The following IP6K1 variants were observed in gnomAD, a reference collection of about 807,000 sequenced individuals.
The protein encoded by IP6K1 is ATP:1D-myo-inositol-hexakisphosphate phosphotransferase.
A neutral mutation model predicts 38.3 loss-of-function variants in IP6K1; 13 were observed. That is an observed-to-expected ratio of 0.34 (90% confidence interval 0.22 to 0.54). IP6K1 has a LOEUF of 0.54. Ranked by LOEUF, IP6K1 falls within the 20% of genes least tolerant of loss-of-function variation. IP6K1 has a pLI of 0.92. For missense variants in IP6K1, 397 were observed against 599.8 expected (o/e 0.66, Z 3.53); for synonymous variants, 212 against 229.9 (o/e 0.92, Z 0.70).
chr3:49,784,192 T>C (rs13063621), intron 1 of IP6K1, among the ~76,000 whole-genome samples: 70,764 of 151,500 alleles, frequency 0.47, 17,328 homozygotes, highest in African/African-American at 0.56. Flanking sequence ...CATGGGATTT[T>C]GCCATTTTGG....
At chr3:49,772,255 G>C (rs1018597596) in intron 1 of IP6K1, among the ~76,000 whole-genome samples, 2 of 145,872 alleles carry the variant, frequency 1.4e-5, no homozygotes, top group Non-Finnish European at 3.0e-5. Flanking sequence ...GTGTGTGTGT[G>C]TAACACATAT....
At chr3:49,742,685 G>A (rs2080680670) in intron 2 of IP6K1, among the ~76,000 whole-genome samples, 3 of 152,092 alleles carry the variant, frequency 2.0e-5, no homozygotes, top group Admixed American at 2.0e-4. Flanking sequence ...GATCACTTAA[G>A]CTTAGAAGTT....
chr3:49,744,000 T>C (rs2080698269), intron 2 of IP6K1, among the ~76,000 whole-genome samples: 1 of 152,128 alleles, frequency 6.6e-6, no homozygotes, highest in Non-Finnish European at 1.5e-5. Flanking sequence ...TTGTAATGTC[T>C]AATGGTGTGT....
At chr3:49,747,750 GAA>G in intron 2 of IP6K1, 66 bp downstream of exon 2, 1 of 1,592,782 alleles carries the variant, frequency 6.3e-7, no homozygotes, top group Non-Finnish European at 8.6e-7. Context: ...AACAAACCAA[GAA>G]AAAACTGTGG....
At position 49,727,040 on chromosome 3, in the gene IP6K1, CTG is replaced by C; in HGVS notation, c.*80_*81del. On this transcript the variant is annotated 3_prime_UTR_variant, in exon 6 of 6. Coordinates refer to ENST00000321599, the MANE Select transcript of IP6K1 (RefSeq NM_153273.4). This position sits in a 1 kb window ranked among gnomAD's most constrained non-coding sequence, Gnocchi z 5.9. ...GAAATATAACCCTTTAAAAGCAAGTCTGTGTGTCCTCACGGCAAGTTCAGAAC... is the reference window on the plus strand; with the variant it reads ...GAAATATAACCCTTTAAAAGCAAGTCTGTGTCCTCACGGCAAGTTCAGAAC... 7.4e-7 allele frequency: 1 copy of C among 1,343,234 alleles called. No homozygotes were observed. The highest frequency in any genetic ancestry group is 1.5e-5 in the African/African-American group (1 of 68,310). The allele number at this position is 1,343,234 out of a possible 1,614,324, so 83.2% of individuals were successfully genotyped here. A position where few individuals can be genotyped will look rare whatever the true frequency, so the allele number is the denominator to read the frequency against.
chr3:49,765,816 G>A (rs192852375), intron 1 of IP6K1, among the ~76,000 whole-genome samples: 1 of 151,984 alleles, frequency 6.6e-6, no homozygotes, highest in East Asian at 1.9e-4. Flanking sequence ...GCTAGGGCAG[G>A]TGGGTCACTT....
intron 1 of IP6K1, chr3:49,758,452 A>G (rs1408559933): frequency 5.3e-5 from 8 of 152,154 alleles, no homozygotes; most frequent in Admixed American, 5.2e-4. Context: ...TGAGGCTGAC[A>G]TACCTATCAA....
At chr3:49,762,462 A>T (rs2080875579) in intron 1 of IP6K1, among the ~76,000 whole-genome samples, 1 of 152,172 alleles carries the variant, frequency 6.6e-6, no homozygotes. Context: ...AGGCAGAAGA[A>T]TCACTTGAAC....
chr3:49,780,242 T>C (rs1412902781), intron 1 of IP6K1, among the ~76,000 whole-genome samples: 1 of 150,628 alleles, frequency 6.6e-6, no homozygotes, highest in Non-Finnish European at 1.5e-5. Context: ...AAAGCTCATT[T>C]GTTACATCTT....
chr3:49,736,958 G>T (rs1037517153), intron 3 of IP6K1, among the ~76,000 whole-genome samples: 2 of 151,598 alleles, frequency 1.3e-5, no homozygotes, highest in African/African-American at 4.8e-5. Context: ...ATTTTTAGTA[G>T]AGACAGGGTT....
rs967940584 is a variant in IP6K1, at chr3:49,749,367, T to A, written c.-128-1199A>T. Among the ~76,000 whole-genome samples the A allele has an allele frequency of 5.3e-5, 8 of 152,220 alleles. No individual in the cohort carries two copies. The South Asian group carries it at 8.3e-4, about 16-fold the overall frequency. ...AAGCTCCTTGTACTCAAACTCCCTCTTTATAATGTCAATTTTCTCTCAAAA... is the reference window on the plus strand; with the variant it reads ...AAGCTCCTTGTACTCAAACTCCCTCATTATAATGTCAATTTTCTCTCAAAA... On this transcript the variant is annotated intron_variant, in intron 1 of 5. Transcript: ENST00000321599.
At chr3:49,740,793 G>A (rs922051527) in intron 2 of IP6K1, among the ~76,000 whole-genome samples, 3 of 151,538 alleles carry the variant, frequency 2.0e-5, no homozygotes, top group African/African-American at 7.3e-5. Flanking sequence ...TAGCTATTAT[G>A]AATGATGCTG....
intron 1 of IP6K1, among the ~76,000 whole-genome samples, chr3:49,750,638 T>C (rs2080765302): frequency 6.6e-6 from 1 of 151,898 alleles, no homozygotes; most frequent in African/African-American, 2.4e-5. Context: ...AGGCAGAGGT[T>C]TCAGTGAGCC....
chr3:49,730,367 A>G (rs1317492191), intron 4 of IP6K1, among the ~76,000 whole-genome samples: 1 of 152,192 alleles, frequency 6.6e-6, no homozygotes, highest in Non-Finnish European at 1.5e-5. Flanking sequence ...CTTGCAGGCA[A>G]TATGCAAACT....
chr3:49,749,969 T>G (rs114432994), intron 1 of IP6K1, among the ~76,000 whole-genome samples: 2 of 152,000 alleles, frequency 1.3e-5, no homozygotes, highest in Non-Finnish European at 2.9e-5. Context: ...AACCTGAGTA[T>G]AGTGCACACA....
intron 1 of IP6K1, among the ~76,000 whole-genome samples, chr3:49,772,312 TTTTA>T (rs2080967455): frequency 6.8e-6 from 1 of 147,722 alleles, no homozygotes; most frequent in Non-Finnish European, 1.5e-5. Flanking sequence ...ACTTAATATA[TTTTA>T]TATATATAAT....
chr3:49,763,614 T>G (rs1452691925), intron 1 of IP6K1, among the ~76,000 whole-genome samples: 11 of 152,158 alleles, frequency 7.2e-5, no homozygotes, highest in Non-Finnish European at 1.6e-4. Flanking sequence ...TCAATCAGTA[T>G]TACTACTCAT....
At chr3:49,759,086 A>T (rs77474846) in intron 1 of IP6K1, among the ~76,000 whole-genome samples, 13 of 148,210 alleles carry the variant, frequency 8.8e-5, no homozygotes, top group Admixed American at 6.2e-4. Flanking sequence ...TAAAAAAAAA[A>T]TACCTTCTAT....
intron 4 of IP6K1, among the ~76,000 whole-genome samples, chr3:49,728,879 CT>C (rs2080537211): frequency 6.6e-6 from 1 of 151,890 alleles, no homozygotes; most frequent in Non-Finnish European, 1.5e-5. Context: ...CCAGCTAGAA[CT>C]TTTTCATCTT....
Sources: gnomAD v4.1 joint callset for allele counts (sites outside exome capture counted in the v4.1 genomes callset) on GRCh38, gnomAD v4.1.1 for gene constraint, Gnocchi (gnomAD v3.1) non-coding constraint, MANE v1.5 for transcripts, NCBI Gene and HGNC (gene_info 2026-07-23, HGNC 2026-07-21) for gene names.